The following UTRN variants were observed in gnomAD, a reference collection of about 807,000 sequenced individuals.
UTRN encodes the protein utrophin, also known as dystrophin-related protein 1.
Under a neutral mutation model 463.9 loss-of-function variants are expected in UTRN, and 283 were observed. That is an observed-to-expected ratio of 0.61 (90% confidence interval 0.55 to 0.67). The LOEUF (loss-of-function observed/expected upper bound fraction) is 0.67. Among genes scored for constraint, UTRN ranks in the 30% least tolerant of loss-of-function variants. UTRN has a pLI of 0.00. For missense variants in UTRN, 3,922 were observed against 4,084.3 expected, an observed-to-expected ratio of 0.96 and a Z score of 1.08; for synonymous variants, 1,442 against 1,431.5, an observed-to-expected ratio of 1.01 and a Z score of -0.17.
chr6:144,381,493 A>G (rs1780919526), intron 2 of UTRN, among the ~76,000 whole-genome samples: 1 of 152,142 alleles, frequency 6.6e-6, no homozygotes, highest in African/African-American at 2.4e-5. Flanking sequence ...AGCAATTTAT[A>G]TTCCTTTGGG....
At chr6:144,649,551 C>T (rs1484023151) in intron 51 of UTRN, among the ~76,000 whole-genome samples, 2 of 152,064 alleles carry the variant, frequency 1.3e-5, no homozygotes, top group African/African-American at 4.8e-5. Context: ...CACTGCATCA[C>T]AGTTTAGTTA....
chr6:144,363,175 C>T (rs1779224103), intron 2 of UTRN, among the ~76,000 whole-genome samples: 1 of 152,074 alleles, frequency 6.6e-6, no homozygotes, highest in South Asian at 2.1e-4. Context: ...GCACACAAAA[C>T]ACAGTATCTT....
intron 14 of UTRN, among the ~76,000 whole-genome samples, chr6:144,445,830 A>AG (rs541178405): frequency 8.0e-4 from 121 of 152,178 alleles, no homozygotes; most frequent in African/African-American, 2.8e-3. Context: ...AGATCACTTG[A>AG]GGTCAGACCA....
chr6:144,584,183 A>G (rs1352393045), intron 51 of UTRN, among the ~76,000 whole-genome samples: 1 of 152,196 alleles, frequency 6.6e-6, no homozygotes, highest in Non-Finnish European at 1.5e-5. Flanking sequence ...AAGTAGACTT[A>G]CTGGAGACAA....
chr6:144,768,000 T>C (rs1793551134), intron 58 of UTRN, among the ~76,000 whole-genome samples: 1 of 152,112 alleles, frequency 6.6e-6, no homozygotes, highest in Admixed American at 6.6e-5. Flanking sequence ...TCCTTTAAGG[T>C]TTCATGGAAA....
At chr6:144,398,876 C>T (rs1782690308) in intron 2 of UTRN, 1 of 151,868 alleles carries the variant, frequency 6.6e-6, no homozygotes, top group African/African-American at 2.4e-5. Context: ...AAAAAATCAA[C>T]TTGTATTTAG....
chr6:144,791,601 A>G (rs914371518), intron 62 of UTRN, among the ~76,000 whole-genome samples: 8 of 151,650 alleles, frequency 5.3e-5, no homozygotes, highest in African/African-American at 9.7e-5. Flanking sequence ...TTTTCAAACC[A>G]TCCTTTTAAA....
chr6:144,639,186 C>T (rs188791313), intron 51 of UTRN, among the ~76,000 whole-genome samples: 49 of 152,308 alleles, frequency 3.2e-4, no homozygotes, highest in Non-Finnish European at 2.2e-4. Flanking sequence ...TACCTCTCCC[C>T]AGATTTTACA....
At chr6:144,609,907 A>T (rs1352855300) in intron 51 of UTRN, among the ~76,000 whole-genome samples, 1 of 152,164 alleles carries the variant, frequency 6.6e-6, no homozygotes, top group East Asian at 1.9e-4. Flanking sequence ...AGCATACCAA[A>T]ACTTATGGGA....
intron 65 of UTRN, among the ~76,000 whole-genome samples, chr6:144,803,569 G>A (rs561271636): frequency 4.4e-4 from 66 of 151,702 alleles, no homozygotes; most frequent in African/African-American, 1.5e-3. Flanking sequence ...CCATATCTCT[G>A]GTTTTAAGAT....
intron 2 of UTRN, among the ~76,000 whole-genome samples, chr6:144,309,079 A>G (rs1806007796): frequency 6.6e-6 from 1 of 152,102 alleles, no homozygotes; most frequent in South Asian, 2.1e-4. Flanking sequence ...TCTCAATAGC[A>G]TCAACACTGC....
At chr6:144,431,077 A>C (rs1000834260) in intron 9 of UTRN, among the ~76,000 whole-genome samples, 3 of 152,300 alleles carry the variant, frequency 2.0e-5, no homozygotes, top group African/African-American at 7.2e-5. Context: ...ATTTGCCTCT[A>C]AAAGTATAGT....
chr6:144,408,542 T>C (rs902479570), intron 3 of UTRN, among the ~76,000 whole-genome samples: 1 of 152,202 alleles, frequency 6.6e-6, no homozygotes, highest in African/African-American at 2.4e-5. Context: ...ATGCTGAACT[T>C]GAGTTTGTGC....
chr6:144,620,036 C>G (rs544537568), intron 51 of UTRN, among the ~76,000 whole-genome samples: 1 of 152,212 alleles, frequency 6.6e-6, no homozygotes, highest in East Asian at 1.9e-4. Flanking sequence ...ATGTGTCTCT[C>G]TTTATCTTTT....
At chr6:144,790,931 C>T (rs1776704727) in intron 62 of UTRN, among the ~76,000 whole-genome samples, 1 of 152,204 alleles carries the variant, frequency 6.6e-6, no homozygotes, top group Non-Finnish European at 1.5e-5. Flanking sequence ...GATAATTCAA[C>T]ATTAACTTTC....
intron 6 of UTRN, among the ~76,000 whole-genome samples, chr6:144,425,838 G>GT (rs749310751): frequency 6.6e-6 from 1 of 152,178 alleles, no homozygotes; most frequent in Non-Finnish European, 1.5e-5. Flanking sequence ...ACTATAAAAT[G>GT]TTAGTTCTAG....
chr6:144,493,489 GTCTC>G (rs57311494), intron 33 of UTRN, 33 bp downstream of exon 33: 312 of 1,504,070 alleles, frequency 2.1e-4, no homozygotes, highest in South Asian at 6.2e-4. Context: ...TCATCTCTCT[GTCTC>G]TCTCTCTCTC....
rs1263082820 is a variant in UTRN, at chr6:144,839,269, C to T, written c.10162C>T (p.Gln3388Ter). The T allele has an allele frequency of 6.2e-7, 1 of 1,613,614 alleles. No individual in the cohort carries two copies. The highest frequency in any genetic ancestry group is 8.5e-7 in the Non-Finnish European group (1 of 1,179,864). The change falls in exon 72 of 75, where the codon CAG (glutamine) becomes TAG (stop). Residue 3388 changes from glutamine to a stop codon, truncating the protein, a stop_gained. Coordinates refer to ENST00000367545, the MANE Select transcript of UTRN (RefSeq NM_007124.3). LOFTEE classifies it high-confidence loss of function. ...GCTTGATCCAGATGCCTCCGGCCCACAGTTCCACCAGGCAGGTCGGTGTCC... is the reference window on the plus strand; with the variant it reads ...GCTTGATCCAGATGCCTCCGGCCCATAGTTCCACCAGGCAGGTCGGTGTCC... ...YSLDPDASGP[Q>*]FHQAAGEDLL... is the part of the protein sequence containing the mutation.
At chr6:144,705,271 G>A (rs1784979548) in intron 53 of UTRN, among the ~76,000 whole-genome samples, 1 of 152,218 alleles carries the variant, frequency 6.6e-6, no homozygotes, top group South Asian at 2.1e-4. Context: ...TTAAAGGCTG[G>A]CTCTGTCACT....
Sources: allele counts gnomAD v4.1 joint callset (sites outside exome capture counted in the v4.1 genomes callset), GRCh38; gene constraint gnomAD v4.1.1; transcripts MANE v1.5; gene names NCBI Gene and HGNC (gene_info 2026-07-23, HGNC 2026-07-21).